The following DCX variants were observed in gnomAD, a reference collection of about 807,000 sequenced individuals.
DCX encodes the protein doublecortin, also known as neuronal migration protein doublecortin.
DCX carries 4 observed loss-of-function variants against 20.9 expected under a neutral mutation model. The ratio of observed to expected loss-of-function variants is 0.19; its 90% CI spans 0.09 to 0.44. The LOEUF (loss-of-function observed/expected upper bound fraction) is 0.44. Among genes scored for constraint, DCX ranks in the 20% least tolerant of loss-of-function variants. DCX has a pLI of 0.99. For missense variants in DCX, 133 were observed against 296.9 expected (o/e 0.45, Z 4.06); for synonymous variants, 103 against 111.4 (o/e 0.92, Z 0.47).
intron 5 of DCX, among the ~76,000 whole-genome samples, chrX:111,316,696 T>C (rs1261346078): frequency 1.8e-5 from 2 of 111,575 alleles, no homozygotes; most frequent in Non-Finnish European, 3.8e-5. Flanking sequence ...GCCCAAAAAC[T>C]CCTTGATCTC....
At chrX:111,344,232 C>T (rs1171861631) in intron 3 of DCX, among the ~76,000 whole-genome samples, 1 of 111,967 alleles carries the variant, frequency 8.9e-6, no homozygotes, top group Non-Finnish European at 1.9e-5. Context: ...ATTGATGGAA[C>T]ATATCTCAAA....
rs781609695 is a variant in DCX at position 111,311,543 on chromosome X, A to T, written c.1044+1096T>A. 8.1e-4 allele frequency among the ~76,000 whole-genome samples: 91 copies of T among 111,755 alleles called. 1 individual carries two copies. The highest frequency in any genetic ancestry group is 2.6e-3 in the African/African-American group (81 of 30,755). Reference sequence around the variant, plus strand: ...AAATTCAAGTTAAAAACGTGATGTCACTCAATACAGAGTTGAGAAGCAATG... The same window carrying T: ...AAATTCAAGTTAAAAACGTGATGTCTCTCAATACAGAGTTGAGAAGCAATG... On this transcript the variant is annotated intron_variant, in intron 6 of 6. Transcript: ENST00000636035.
rs2095022249 is a variant in DCX, at chrX:111,296,810, A to T, written c.*4877T>A. ...AGTTAGTCTTGTCAAATGATAGCCAATGTCACGCTAGCTAAGCCAAAGCGG... is the reference window on the plus strand; with the variant it reads ...AGTTAGTCTTGTCAAATGATAGCCATTGTCACGCTAGCTAAGCCAAAGCGG... On this transcript the variant is annotated 3_prime_UTR_variant, in exon 7 of 7. Coordinates refer to ENST00000636035, the MANE Select transcript of DCX (RefSeq NM_001195553.2). 1 of 110,216 alleles carries T rather than the reference A, an allele frequency of 9.1e-6. No individual in the cohort carries two copies. The highest frequency in any genetic ancestry group is 3.9e-4 in the South Asian group (1 of 2,543). 9.1% of individuals were successfully genotyped at this position (110,216 alleles called of 1,213,427 possible).
At chrX:111,356,802 C>G in intron 3 of DCX, among the ~76,000 whole-genome samples, 1 of 112,089 alleles carries the variant, frequency 8.9e-6, no homozygotes, top group Admixed American at 9.4e-5. Context: ...TGTTGAATGA[C>G]AGAATCAAGA....
chrX:111,336,473 C>T (rs1921748055), intron 3 of DCX, among the ~76,000 whole-genome samples: 1 of 112,546 alleles, frequency 8.9e-6, no homozygotes, highest in Non-Finnish European at 1.9e-5. Flanking sequence ...CAGACAAATG[C>T]ACTTTGTGCA....
chrX:111,385,117 C>T (rs1442152248), intron 3 of DCX, among the ~76,000 whole-genome samples: 12 of 112,510 alleles, frequency 1.1e-4, no homozygotes, highest in Non-Finnish European at 9.4e-5. Flanking sequence ...CTCTGCGTCT[C>T]CAGCCTGCTG....
intron 3 of DCX, among the ~76,000 whole-genome samples, chrX:111,336,635 G>A: frequency 8.9e-6 from 1 of 111,946 alleles, no homozygotes; most frequent in East Asian, 2.8e-4. Flanking sequence ...TACACAGCTG[G>A]CTCATGGCAG....
chrX:111,384,659 A>G (rs1410762846), intron 3 of DCX, among the ~76,000 whole-genome samples: 1 of 112,119 alleles, frequency 8.9e-6, no homozygotes, highest in South Asian at 3.7e-4. Flanking sequence ...GGAACCTACT[A>G]TTAAGAAAGT....
At chrX:111,374,750 G>A (rs1925394416) in intron 3 of DCX, among the ~76,000 whole-genome samples, 1 of 110,053 alleles carries the variant, frequency 9.1e-6, no homozygotes, top group Non-Finnish European at 1.9e-5. Flanking sequence ...TCCCACAGGA[G>A]AAGTTGGTCA....
chrX:111,331,756 C>T (rs1040402783), intron 4 of DCX, among the ~76,000 whole-genome samples: 1 of 112,337 alleles, frequency 8.9e-6, no homozygotes, highest in Non-Finnish European at 1.9e-5. Context: ...CCTTTCTATG[C>T]AGGTCACTCA....
Position 111,333,919 on chromosome X carries a change from GCA to G in DCX, c.706-768_706-767del, listed in dbSNP as rs34292610. 4.8e-3 allele frequency among the ~76,000 whole-genome samples: 539 copies of G among 112,096 alleles called. 13 individuals carry two copies. Among genetic ancestry groups the G allele is most frequent in the Admixed American group, 0.046 (487 of 10,594 alleles). Reference sequence around the variant, plus strand: ...TCCCTGGGAAAGTATGCTGCTTCCTGCAGTCTCCCCACTTCTCAGCTTTCCTA... The same window carrying G: ...TCCCTGGGAAAGTATGCTGCTTCCTGGTCTCCCCACTTCTCAGCTTTCCTA... On this transcript the variant is annotated intron_variant, in intron 3 of 6. Coordinates refer to ENST00000636035, the MANE Select transcript of DCX (RefSeq NM_001195553.2).
chrX:111,381,290 G>A (rs1217610825), intron 3 of DCX, among the ~76,000 whole-genome samples: 1 of 110,337 alleles, frequency 9.1e-6, no homozygotes, highest in Non-Finnish European at 1.9e-5. Flanking sequence ...TTGGATCAAG[G>A]TATGGGGGAA....
At chrX:111,388,552 G>T (rs1306291582) in intron 3 of DCX, among the ~76,000 whole-genome samples, 1 of 112,292 alleles carries the variant, frequency 8.9e-6, no homozygotes, top group Non-Finnish European at 1.9e-5. Flanking sequence ...CAAGTTTGGG[G>T]AATACTGGTC....
At chrX:111,361,137 G>A (rs1924173480) in intron 3 of DCX, among the ~76,000 whole-genome samples, 1 of 112,155 alleles carries the variant, frequency 8.9e-6, no homozygotes, top group Non-Finnish European at 1.9e-5. Context: ...TCAGTGTACA[G>A]AAAAGTGCTA....
chrX:111,310,247 G>T (rs1356247611), intron 6 of DCX, among the ~76,000 whole-genome samples: 4 of 111,516 alleles, frequency 3.6e-5, no homozygotes, highest in African/African-American at 6.5e-5. Flanking sequence ...CAGGAGAATG[G>T]CTTGAACCCG....
In DCX at chrX:111,301,626, G is replaced by C; in HGVS notation, c.*61C>G. 1 of 1,103,356 alleles carries C rather than the reference G, an allele frequency of 9.1e-7. No homozygotes were observed. The highest frequency in any genetic ancestry group is 1.3e-6 in the Non-Finnish European group (1 of 796,676). The allele number at this position is 1,103,356 out of a possible 1,213,427, so 90.9% of individuals were successfully genotyped here. ...AGCCCTGTTGGACACTTGAGCAGAA[G>C]TACCCTACTACAATGATAGGCTTGG... On this transcript the variant is annotated 3_prime_UTR_variant, in exon 7 of 7. Transcript: ENST00000636035.
chrX:111,375,130 T>C (rs1190687887), intron 3 of DCX, among the ~76,000 whole-genome samples: 4 of 105,632 alleles, frequency 3.8e-5, no homozygotes, highest in African/African-American at 1.4e-4. Flanking sequence ...GGAGGGTGCA[T>C]GTGACTATAA....
chrX:111,301,700 C>A lies in DCX; in HGVS notation c.1088G>T (p.Gly363Val), dbSNP rs1181091613. The A allele has an allele frequency of 1.7e-6, 2 of 1,209,815 alleles. No homozygotes were observed. Among genetic ancestry groups the A allele is most frequent in the Non-Finnish European group, 2.2e-6 (2 of 895,086 alleles). The change falls in exon 7 of 7, where the codon GGT becomes GTT. Residue 363 changes from glycine to valine, a missense_variant. Physicochemically the swap from Gly to Val is moderately radical, Grantham distance 109 (BLOSUM62 -3). Transcript: ENST00000636035. The part of the protein sequence containing the change: ...PLSLDDSDSL[G>V]DSM ...CTCTCCCCTCCTTTACATGGAATCA[C>A]CAAGCGAGTCCGAGTCATCCAAGGA... is the stretch of plus-strand genomic sequence containing the variant.
At chrX:111,339,425 G>A (rs973253200) in intron 3 of DCX, among the ~76,000 whole-genome samples, 2 of 111,301 alleles carry the variant, frequency 1.8e-5, no homozygotes, top group African/African-American at 6.6e-5. Context: ...GAGCTAGCAT[G>A]TTCAGTCCCC....
Sources: gnomAD v4.1 joint callset for allele counts (sites outside exome capture counted in the v4.1 genomes callset) on GRCh38, gnomAD v4.1.1 for gene constraint, MANE v1.5 for transcripts, NCBI Gene and HGNC (gene_info 2026-07-23, HGNC 2026-07-21) for gene names.